The following FAM107B variants were observed in gnomAD, a reference collection of about 807,000 sequenced individuals.
The protein encoded by FAM107B is family with sequence similarity 107 member B.
FAM107B carries 21 observed loss-of-function variants against 31.5 expected under a neutral mutation model. The observed-to-expected ratio is 0.67, with a 90% CI of 0.47 to 0.96. The LOEUF is 0.96. Ranked by LOEUF, FAM107B falls within the 40% of genes least tolerant of loss-of-function variation. FAM107B has a pLI of 0.00. For synonymous variants in FAM107B, 157 were observed against 141.5 expected, an observed-to-expected ratio of 1.11 and a Z score of -0.78; for missense variants, 452 against 377.1, an observed-to-expected ratio of 1.20 and a Z score of -1.64.
intron 2 of FAM107B, among the ~76,000 whole-genome samples, chr10:14,583,971 T>C (rs963039828): frequency 6.6e-6 from 1 of 152,188 alleles, no homozygotes; most frequent in Non-Finnish European, 1.5e-5. Flanking sequence ...AAAGAGGGTT[T>C]TGAGTTCAGG....
chr10:14,704,100 G>A, intron 1 of FAM107B, among the ~76,000 whole-genome samples: 1 of 152,180 alleles, frequency 6.6e-6, no homozygotes, highest in East Asian at 1.9e-4. Flanking sequence ...GATGGTAGGA[G>A]CCACCTTCTA....
At chr10:14,677,529 G>C (rs1277085376) in intron 1 of FAM107B, among the ~76,000 whole-genome samples, 1 of 152,142 alleles carries the variant, frequency 6.6e-6, no homozygotes. Flanking sequence ...GCTGAGGCAG[G>C]AGAATGGCGC....
In FAM107B at chr10:14,774,589, T is replaced by C. The variant is rs1320079301; in HGVS notation, c.75A>G (p.Ser25=). ...PSRSMHPFPC[S]ALLACFGNTR... ...TATTCCCAAAACAGGCGAGCAGAGCTGAGCACGGAAATGGATGCATGCTTC... is the reference window on the plus strand; with the variant it reads ...TATTCCCAAAACAGGCGAGCAGAGCCGAGCACGGAAATGGATGCATGCTTC... Residue 25 remains serine, a synonymous_variant, in exon 1 of 5, where the codon TCA becomes TCG. Transcript: ENST00000181796. 1 of 1,614,086 alleles carries C rather than the reference T, an allele frequency of 6.2e-7. No individual in the cohort carries two copies.
At chr10:14,544,564 A>C (rs545476539) in intron 2 of FAM107B, among the ~76,000 whole-genome samples, 7 of 152,352 alleles carry the variant, frequency 4.6e-5, no homozygotes, top group Middle Eastern at 3.4e-3. Context: ...ACTTGTAAGA[A>C]GACAAATTTC....
intron 1 of FAM107B, among the ~76,000 whole-genome samples, chr10:14,737,789 T>TCC (rs957591372): frequency 6.6e-6 from 1 of 151,008 alleles, no homozygotes; most frequent in African/African-American, 2.4e-5. Flanking sequence ...TCTCTCTCTC[T>TCC]CTCTCTCTCT....
At chr10:14,766,086 T>C (rs1833155705) in intron 1 of FAM107B, among the ~76,000 whole-genome samples, 1 of 152,214 alleles carries the variant, frequency 6.6e-6, no homozygotes, top group South Asian at 2.1e-4. Context: ...AATCAATATA[T>C]TGAATATCAT....
chr10:14,746,163 A>G (rs1333433986), intron 1 of FAM107B, among the ~76,000 whole-genome samples: 1 of 152,008 alleles, frequency 6.6e-6, no homozygotes, highest in Non-Finnish European at 1.5e-5. Flanking sequence ...ATTTTCCTCC[A>G]TCCCTTTATT....
intron 2 of FAM107B, chr10:14,534,981 T>C (rs1847460679): frequency 6.6e-6 from 1 of 152,214 alleles, no homozygotes; most frequent in African/African-American, 2.4e-5. Flanking sequence ...AAAGTGGGGT[T>C]GAGCGGCCAG....
intron 2 of FAM107B, among the ~76,000 whole-genome samples, chr10:14,615,111 T>C (rs889108777): frequency 1.3e-4 from 20 of 152,076 alleles, no homozygotes; most frequent in African/African-American, 4.8e-4. Flanking sequence ...GGTGGATCAC[T>C]TGAGGTCAGG....
chr10:14,678,353 G>C (rs988484394), intron 1 of FAM107B, among the ~76,000 whole-genome samples: 1 of 152,172 alleles, frequency 6.6e-6, no homozygotes, highest in Non-Finnish European at 1.5e-5. Context: ...TGAACACTAA[G>C]AAGAGGATTA....
intron 1 of FAM107B, among the ~76,000 whole-genome samples, chr10:14,763,128 G>A (rs547164682): frequency 3.3e-5 from 5 of 151,740 alleles, no homozygotes; most frequent in African/African-American, 1.2e-4. Context: ...TGGGTGTGGT[G>A]GCAGGCACCT....
At chr10:14,689,183 C>T (rs943805233) in intron 1 of FAM107B, among the ~76,000 whole-genome samples, 1 of 151,808 alleles carries the variant, frequency 6.6e-6, no homozygotes, top group African/African-American at 2.4e-5. Context: ...AGTTCGAGAC[C>T]AGCCTGGGCC....
chr10:14,583,184 A>G lies in FAM107B; in HGVS notation c.470-52669T>C, dbSNP rs537923676. Among the ~76,000 whole-genome samples, 14 of 152,296 alleles carry G rather than the reference A, an allele frequency of 9.2e-5. No individual in the cohort carries two copies. The East Asian group carries it at 2.7e-3, about 29-fold the overall frequency. On this transcript the variant is annotated intron_variant, in intron 2 of 4. Coordinates refer to ENST00000181796, the MANE Select transcript of FAM107B (RefSeq NM_031453.4). ...CGGCAGTCTCATTCCAGAGCCTGATAAATCATACTATTACTATTTCTCCAA... is the reference window on the plus strand; with the variant it reads ...CGGCAGTCTCATTCCAGAGCCTGATGAATCATACTATTACTATTTCTCCAA...
intron 2 of FAM107B, chr10:14,652,840 A>G (rs1238430692): frequency 6.6e-6 from 1 of 152,206 alleles, no homozygotes; most frequent in African/African-American, 2.4e-5. Flanking sequence ...ATTGGTAGGA[A>G]ACTGAGAAAG....
chr10:14,655,232 A>T (rs779350998), intron 2 of FAM107B, among the ~76,000 whole-genome samples: 32 of 152,212 alleles, frequency 2.1e-4, no homozygotes, highest in Admixed American at 6.5e-4. Context: ...TGCACTTATG[A>T]CCAAAACACC....
At chr10:14,755,698 C>T (rs920929370) in intron 1 of FAM107B, among the ~76,000 whole-genome samples, 3 of 152,088 alleles carry the variant, frequency 2.0e-5, no homozygotes, top group African/African-American at 7.2e-5. Flanking sequence ...AAACGAAACT[C>T]AGCACAAAAT....
In FAM107B at chr10:14,774,686, A is replaced by G. The variant is rs1381075292; in HGVS notation, c.-23T>C. On this transcript the variant is annotated 5_prime_UTR_variant, in exon 1 of 5. Coordinates refer to ENST00000181796, the MANE Select transcript of FAM107B (RefSeq NM_031453.4). ...CATGACTTGCAGTGAATCATTGCAA[A>G]GTTCAAACGGGGCAAGGAAATTTTC... 1 of 1,598,350 alleles carries G rather than the reference A, an allele frequency of 6.3e-7. No individual in the cohort carries two copies. The highest frequency in any genetic ancestry group is 1.1e-5 in the South Asian group (1 of 88,300).
chr10:14,680,586 A>AAAT (rs1375151892), intron 1 of FAM107B, among the ~76,000 whole-genome samples: 1 of 151,530 alleles, frequency 6.6e-6, no homozygotes, highest in African/African-American at 2.4e-5. Context: ...AAAAAAAAAA[A>AAAT]AAATGCACAG....
chr10:14,543,019 C>T (rs1848366455), intron 2 of FAM107B, among the ~76,000 whole-genome samples: 1 of 152,122 alleles, frequency 6.6e-6, no homozygotes. Flanking sequence ...TAACTGATTG[C>T]CTTAAACTCA....
Sources: allele counts gnomAD v4.1 joint callset (sites outside exome capture counted in the v4.1 genomes callset), GRCh38; gene constraint gnomAD v4.1.1; transcripts MANE v1.5; gene names NCBI Gene and HGNC (gene_info 2026-07-23, HGNC 2026-07-21).